The following RANBP17 variants were observed in gnomAD, a reference collection of about 807,000 sequenced individuals.
The protein encoded by RANBP17 is RAN binding protein 17, also known as ran-binding protein 17.
RANBP17 carries 158 observed loss-of-function variants against 141.2 expected under a neutral mutation model. The observed-to-expected ratio is 1.12, with a 90% confidence interval of 0.98 to 1.28. The LOEUF (loss-of-function observed/expected upper bound fraction) is 1.28. RANBP17 is among the 50% of genes most tolerant of loss of function. RANBP17 has a pLI of 0.00. For missense variants in RANBP17, 1,438 were observed against 1,290.7 expected (o/e 1.11, Z -1.75); for synonymous variants, 430 against 450.0 (o/e 0.96, Z 0.56).
At chr5:170,890,409 G>T (rs1416302408) in intron 3 of RANBP17, among the ~76,000 whole-genome samples, 1 of 151,932 alleles carries the variant, frequency 6.6e-6, no homozygotes, top group African/African-American at 2.4e-5. Context: ...TTTTCAAAAT[G>T]TATTTTATCT....
intron 14 of RANBP17, among the ~76,000 whole-genome samples, chr5:170,996,320 A>T (rs781438008): frequency 6.6e-6 from 1 of 152,212 alleles, no homozygotes; most frequent in African/African-American, 2.4e-5. Context: ...ATGAAATAAA[A>T]TGAGGAATGG....
intron 25 of RANBP17, among the ~76,000 whole-genome samples, chr5:171,287,601 G>A (rs1224779978): frequency 1.3e-5 from 2 of 149,512 alleles, no homozygotes; most frequent in African/African-American, 2.5e-5. Context: ...GCCCTCCCCA[G>A]TCCCCACCCC....
At chr5:170,942,715 G>A (rs1774425979) in intron 12 of RANBP17, among the ~76,000 whole-genome samples, 1 of 152,150 alleles carries the variant, frequency 6.6e-6, no homozygotes, top group Non-Finnish European at 1.5e-5. Context: ...GTTCTACTGG[G>A]TAGGTGTTTG....
At position 171,277,637 on chromosome 5, in the gene RANBP17, G is replaced by GTATATATATA. The variant is rs70982330; in HGVS notation, c.2943+11812_2943+11821dup. Reference sequence around the variant, plus strand: ...GTGCCTTACGTATACATATATGTATGTATATATATATATATATATATATAT... The same window carrying GTATATATATA: ...GTGCCTTACGTATACATATATGTATGTATATATATATATATATATATATATATATATATAT... On this transcript the variant is annotated intron_variant, in intron 25 of 27. Coordinates refer to ENST00000523189, the MANE Select transcript of RANBP17 (RefSeq NM_022897.5). Among the ~76,000 whole-genome samples, 71 of 56,900 alleles carry GTATATATATA rather than the reference G, an allele frequency of 1.2e-3. 1 individual carries two copies. The highest frequency in any genetic ancestry group is 6.1e-3 in the East Asian group (7 of 1,140). The allele number at this position is 56,900 out of a possible 152,430, so 37.3% of individuals were successfully genotyped here.
At chr5:171,173,241 A>G (rs929819576) in intron 16 of RANBP17, among the ~76,000 whole-genome samples, 3 of 151,882 alleles carry the variant, frequency 2.0e-5, no homozygotes, top group East Asian at 1.9e-4. Flanking sequence ...TGTTTTTCCA[A>G]TGGATTTCTT....
rs1294946837 is a variant in RANBP17, at chr5:171,168,685, A to T, written c.1711-1445A>T. 2.6e-5 allele frequency among the ~76,000 whole-genome samples: 4 copies of T among 152,258 alleles called. No homozygotes were observed. The East Asian group carries it at 7.7e-4, about 29-fold the overall frequency. On this transcript the variant is annotated intron_variant, in intron 14 of 27. Coordinates refer to ENST00000523189, the MANE Select transcript of RANBP17 (RefSeq NM_022897.5). ...TCCCTCTTTCCCCCAAACATCTTACAAGCAACAATGGTCACTTTAATCTTG... is the reference window on the plus strand; with the variant it reads ...TCCCTCTTTCCCCCAAACATCTTACTAGCAACAATGGTCACTTTAATCTTG...
At chr5:170,952,822 G>A (rs1410906963) in intron 12 of RANBP17, among the ~76,000 whole-genome samples, 1 of 151,894 alleles carries the variant, frequency 6.6e-6, no homozygotes, top group Non-Finnish European at 1.5e-5. Context: ...AAGTACTGAA[G>A]GATCACCTAG....
intron 24 of RANBP17, among the ~76,000 whole-genome samples, chr5:171,244,279 G>C (rs1487394407): frequency 3.3e-5 from 5 of 151,758 alleles, no homozygotes; most frequent in African/African-American, 1.2e-4. Flanking sequence ...TGTAGTCCCA[G>C]CTACTCGGGA....
At chr5:171,210,862 G>A (rs143598208) in intron 20 of RANBP17, among the ~76,000 whole-genome samples, 1,600 of 151,922 alleles carry the variant, frequency 0.011, 26 homozygotes, top group African/African-American at 0.037. Context: ...AATATTAGCC[G>A]GGCATGGTGG....
At chr5:170,919,324 A>T in intron 10 of RANBP17, 117 bp from the exon 11 acceptor site, 1 of 699,266 alleles carries the variant, frequency 1.4e-6, no homozygotes, top group Non-Finnish European at 2.2e-6. Context: ...TGTGTTCATT[A>T]GTTTTATAGT....
At chr5:171,002,980 TATA>T (rs1779326310) in intron 14 of RANBP17, among the ~76,000 whole-genome samples, 1 of 152,068 alleles carries the variant, frequency 6.6e-6, no homozygotes, top group Non-Finnish European at 1.5e-5. Context: ...GAGCAGAAAG[TATA>T]TGTGTCATGT....
intron 14 of RANBP17, among the ~76,000 whole-genome samples, chr5:171,124,719 C>T (rs558501234): frequency 5.0e-4 from 76 of 151,780 alleles, no homozygotes; most frequent in Non-Finnish European, 9.4e-4. Context: ...AGCAGATACA[C>T]GCAAAAAAGA....
Position 171,042,259 on chromosome 5 carries a change from T to C in RANBP17, c.1710+73882T>C, listed in dbSNP as rs1001939582. Among the ~76,000 whole-genome samples the C allele has an allele frequency of 2.0e-5, 3 of 152,072 alleles. No individual in the cohort carries two copies. The South Asian group carries it at 6.2e-4, about 32-fold the overall frequency. ...AGCAAGACACAACTAACTATAAAAA[T>C]TCCTATCATGTAGTTAGGATAGGAC... On this transcript the variant is annotated intron_variant, in intron 14 of 27. Transcript: ENST00000523189.
At chr5:171,065,008 T>G (rs1352787854) in intron 14 of RANBP17, among the ~76,000 whole-genome samples, 6 of 152,238 alleles carry the variant, frequency 3.9e-5, no homozygotes, top group African/African-American at 1.4e-4. Context: ...TTCCAACGTA[T>G]CATCTTATTT....
At chr5:171,089,279 C>CGGGTCAG (rs1554095888) in intron 14 of RANBP17, among the ~76,000 whole-genome samples, 3 of 83,410 alleles carry the variant, frequency 3.6e-5, no homozygotes, top group Admixed American at 1.2e-4. Flanking sequence ...TCGGGGGTCA[C>CGGGTCAG]GGGTCAGGGA....
At chr5:170,983,529 TATATC>T (rs1179253691) in intron 14 of RANBP17, among the ~76,000 whole-genome samples, 2 of 152,204 alleles carry the variant, frequency 1.3e-5, no homozygotes, top group African/African-American at 4.8e-5. Flanking sequence ...GAAAAATTCT[TATATC>T]AGGAAATAGC....
rs532257743 is a variant in RANBP17, at chr5:171,104,025, T to TTTTG, written c.1711-66090_1711-66087dup. On this transcript the variant is annotated intron_variant, in intron 14 of 27. Coordinates refer to ENST00000523189, the MANE Select transcript of RANBP17 (RefSeq NM_022897.5). ...TTCTGTGTTGGCCTCGCTGGGAGCTTTTTGTTTGTTTGTTTGTTGTGTTCT... is the reference window on the plus strand; with the variant it reads ...TTCTGTGTTGGCCTCGCTGGGAGCTTTTTGTTTGTTTGTTTGTTTGTTGTGTTCT... Among the ~76,000 whole-genome samples the TTTTG allele has an allele frequency of 3.1e-3, 474 of 152,108 alleles. 3 individuals are homozygous for TTTTG. The highest frequency in any genetic ancestry group is 7.1e-3 in the Admixed American group (108 of 15,292).
chr5:171,147,155 A>G (rs1353115278), intron 14 of RANBP17, among the ~76,000 whole-genome samples: 1 of 152,144 alleles, frequency 6.6e-6, no homozygotes, highest in Non-Finnish European at 1.5e-5. Context: ...TGCACAAGAC[A>G]GCCCCACAAC....
intron 21 of RANBP17, among the ~76,000 whole-genome samples, chr5:171,214,101 C>CT (rs1763072953): frequency 6.6e-6 from 1 of 152,176 alleles, no homozygotes; most frequent in Non-Finnish European, 1.5e-5. Flanking sequence ...TTAGAGGTCT[C>CT]TGAGTTGAGA....
Sources: allele counts gnomAD v4.1 joint callset (sites outside exome capture counted in the v4.1 genomes callset), GRCh38; gene constraint gnomAD v4.1.1; transcripts MANE v1.5; gene names NCBI Gene and HGNC (gene_info 2026-07-23, HGNC 2026-07-21).